Variants in DTNA observed in about 807,000 individuals in gnomAD.
DTNA encodes dystrophin-related protein 3.
DTNA carries 43 observed loss-of-function variants against 100.7 expected under a neutral mutation model. The ratio of observed to expected loss-of-function variants is 0.43; its 90% confidence interval spans 0.33 to 0.55. DTNA has a LOEUF of 0.55. DTNA is among the 20% of genes least tolerant of loss of function. The pLI, the probability that DTNA is intolerant of heterozygous loss-of-function variation, is 0.04. For synonymous variants in DTNA, 349 were observed against 347.9 expected (o/e 1.00, Z -0.04); for missense variants, 798 against 953.9 (o/e 0.84, Z 2.15).
At chr18:34,823,387 A>G (rs1326945823) in intron 9 of DTNA, among the ~76,000 whole-genome samples, 13 of 152,246 alleles carry the variant, frequency 8.5e-5, no homozygotes, top group Non-Finnish European at 1.9e-4. Flanking sequence ...GTCATTTTAT[A>G]ATAAGCCCAC....
Position 34,890,747 on chromosome 18 carries a change from T to G in DTNA, c.*3013T>G. The G allele has an allele frequency of 4.9e-6, 2 of 407,908 alleles. No homozygotes were observed. The highest frequency in any genetic ancestry group is 7.0e-5 in the South Asian group (2 of 28,708). 25.3% of individuals were successfully genotyped at this position (407,908 alleles called of 1,614,324 possible). A position where few individuals can be genotyped will look rare whatever the true frequency, so the allele number is the denominator to read the frequency against. On this transcript the variant is annotated 3_prime_UTR_variant, in exon 23 of 23. Coordinates refer to ENST00000444659, the MANE Select transcript of DTNA (RefSeq NM_001386795.1). Reference sequence around the variant, plus strand: ...AGATTGTGAAAAATGGGTTCTTGAATGATCTACTATAAGGCAGGGAAGGTT... The same window carrying G: ...AGATTGTGAAAAATGGGTTCTTGAAGGATCTACTATAAGGCAGGGAAGGTT...
intron 1 of DTNA, among the ~76,000 whole-genome samples, chr18:34,507,393 A>C (rs562964196): frequency 6.6e-6 from 1 of 152,338 alleles, no homozygotes; most frequent in African/African-American, 2.4e-5. Context: ...AATCTAACTG[A>C]GGAGCACCTC....
chr18:34,835,079 T>G (rs1170264742), intron 11 of DTNA, among the ~76,000 whole-genome samples: 1 of 152,216 alleles, frequency 6.6e-6, no homozygotes, highest in Non-Finnish European at 1.5e-5. Context: ...TATTTTTGTC[T>G]TGTTTTCATC....
chr18:34,717,430 T>G (rs2084285706), intron 1 of DTNA, among the ~76,000 whole-genome samples: 1 of 152,222 alleles, frequency 6.6e-6, no homozygotes, highest in Non-Finnish European at 1.5e-5. Context: ...GCAATTTCCC[T>G]TTTATCTACA....
intron 3 of DTNA, among the ~76,000 whole-genome samples, chr18:34,768,618 C>CT (rs1310889019): frequency 6.6e-6 from 1 of 152,180 alleles, no homozygotes; most frequent in Non-Finnish European, 1.5e-5. Flanking sequence ...CTTGGAATTT[C>CT]TTGAAAAACA....
At chr18:34,515,238 C>A (rs1202743513) in intron 1 of DTNA, among the ~76,000 whole-genome samples, 1 of 151,938 alleles carries the variant, frequency 6.6e-6, no homozygotes, top group East Asian at 1.9e-4. Context: ...GGCAAACTCC[C>A]TTGAGTTTTC....
intron 1 of DTNA, among the ~76,000 whole-genome samples, chr18:34,646,129 A>G (rs2059807220): frequency 6.6e-6 from 1 of 152,188 alleles, no homozygotes; most frequent in Non-Finnish European, 1.5e-5. Flanking sequence ...CTTTAAATCA[A>G]TATTTTAAAA....
At chr18:34,693,157 A>ATCAT (rs1266664290) in intron 1 of DTNA, among the ~76,000 whole-genome samples, 14 of 152,212 alleles carry the variant, frequency 9.2e-5, no homozygotes, top group Admixed American at 3.9e-4. Flanking sequence ...ACTTATAATG[A>ATCAT]TCATTCATTC....
chr18:34,635,960 TGTCA>T (rs1325967573), intron 1 of DTNA, among the ~76,000 whole-genome samples: 2 of 151,990 alleles, frequency 1.3e-5, no homozygotes, highest in African/African-American at 2.4e-5. Context: ...ATAGTTTGTC[TGTCA>T]GTCTTCTTTC....
At chr18:34,723,714 C>G (rs923584957) in intron 1 of DTNA, among the ~76,000 whole-genome samples, 2 of 152,098 alleles carry the variant, frequency 1.3e-5, no homozygotes, top group Non-Finnish European at 2.9e-5. Context: ...GCCTGGCCAG[C>G]ATGGCAAAAC....
intron 1 of DTNA, among the ~76,000 whole-genome samples, chr18:34,638,473 C>T (rs746002417): frequency 4.6e-5 from 7 of 152,182 alleles, no homozygotes; most frequent in Non-Finnish European, 7.3e-5. Flanking sequence ...CTCCACCAAC[C>T]ATGTTTCTGG....
intron 1 of DTNA, among the ~76,000 whole-genome samples, chr18:34,545,713 A>G (rs2044709856): frequency 6.6e-6 from 1 of 152,068 alleles, no homozygotes; most frequent in Admixed American, 6.6e-5. Context: ...GCCCAACTCT[A>G]AGATTTTATA....
At chr18:34,825,307 C>A (rs1174811706) in intron 9 of DTNA, 4 of 1,612,880 alleles carry the variant, frequency 2.5e-6, no homozygotes, top group East Asian at 4.5e-5. Flanking sequence ...AGTCTACTTA[C>A]AAAGATGTAT....
chr18:34,890,621 G>A lies in DTNA; in HGVS notation c.*2887G>A. The A allele has an allele frequency of 2.1e-6, 2 of 969,414 alleles. No homozygotes were observed. Among genetic ancestry groups the A allele is most frequent in the Non-Finnish European group, 3.0e-6 (2 of 677,470 alleles). The allele number at this position is 969,414 out of a possible 1,614,324, so 60.1% of individuals were successfully genotyped here. A position where few individuals can be genotyped will look rare whatever the true frequency, so the allele number is the denominator to read the frequency against. ...CCACAGCGCCATATTAATGGAGGAGGGGAGGAAGGTGAAATCTACTGCATG... is the reference window on the plus strand; with the variant it reads ...CCACAGCGCCATATTAATGGAGGAGAGGAGGAAGGTGAAATCTACTGCATG... On this transcript the variant is annotated 3_prime_UTR_variant, in exon 23 of 23. Coordinates refer to ENST00000444659, the MANE Select transcript of DTNA (RefSeq NM_001386795.1).
chr18:34,563,356 C>T (rs2046807998), intron 1 of DTNA, among the ~76,000 whole-genome samples: 1 of 152,192 alleles, frequency 6.6e-6, no homozygotes, highest in African/African-American at 2.4e-5. Flanking sequence ...GTTTCTCTTC[C>T]AGGGCTTTCA....
At chr18:34,526,217 G>A (rs2042599427) in intron 1 of DTNA, among the ~76,000 whole-genome samples, 1 of 152,138 alleles carries the variant, frequency 6.6e-6, no homozygotes, top group Non-Finnish European at 1.5e-5. Context: ...CAAATGAAGT[G>A]GGAGACTTAA....
At chr18:34,689,339 T>C (rs945710560) in intron 1 of DTNA, among the ~76,000 whole-genome samples, 4 of 152,084 alleles carry the variant, frequency 2.6e-5, no homozygotes, top group Non-Finnish European at 4.4e-5. Flanking sequence ...TGGTCATTTT[T>C]TTGTTGTTGT....
At chr18:34,510,556 A>G (rs1413173816) in intron 1 of DTNA, among the ~76,000 whole-genome samples, 1 of 151,364 alleles carries the variant, frequency 6.6e-6, no homozygotes, top group African/African-American at 2.4e-5. Flanking sequence ...AGTCTTCGGC[A>G]TAGGTTATCC....
chr18:34,813,709 C>T (rs935839104), intron 6 of DTNA, among the ~76,000 whole-genome samples: 9 of 151,892 alleles, frequency 5.9e-5, no homozygotes, highest in South Asian at 2.1e-4. Context: ...AAAAATTAGC[C>T]GGGCATGGTG....
Sources: allele counts gnomAD v4.1 joint callset (sites outside exome capture counted in the v4.1 genomes callset), GRCh38; gene constraint gnomAD v4.1.1; transcripts MANE v1.5; gene names NCBI Gene and HGNC (gene_info 2026-07-23, HGNC 2026-07-21).